The following KIF26B variants were observed in gnomAD, a reference collection of about 807,000 sequenced individuals.
The protein encoded by KIF26B is kinesin family member 26B.
In KIF26B, 63 loss-of-function variants were observed where a neutral mutation model predicts 151.2. The observed-to-expected ratio is 0.42, with a 90% CI of 0.34 to 0.51. The LOEUF (loss-of-function observed/expected upper bound fraction) is 0.51. Ranked by LOEUF, KIF26B falls within the 20% of genes least tolerant of loss-of-function variation. The pLI is 0.07. For synonymous variants in KIF26B, 1,357 were observed against 1,262.1 expected (o/e 1.08, Z -1.59); for missense variants, 2,813 against 2,913.6 (o/e 0.97, Z 0.79).
At chr1:245,683,778 G>A (rs529019532) in intron 10 of KIF26B, among the ~76,000 whole-genome samples, 5 of 152,214 alleles carry the variant, frequency 3.3e-5, no homozygotes, top group Non-Finnish European at 1.5e-5. Flanking sequence ...AAAACCCACC[G>A]ATCTTTAATC....
intron 2 of KIF26B, among the ~76,000 whole-genome samples, chr1:245,273,057 CCT>C (rs1228896468): frequency 6.6e-6 from 1 of 151,946 alleles, no homozygotes; most frequent in Admixed American, 6.6e-5. Context: ...TTCTTCAAGT[CCT>C]CTGTTTTTTT....
chr1:245,464,287 G>A (rs1439813245), intron 4 of KIF26B, among the ~76,000 whole-genome samples: 1 of 152,328 alleles, frequency 6.6e-6, no homozygotes, highest in African/African-American at 2.4e-5. Context: ...TGTCTCAGGA[G>A]AGGATGGCCC....
At chr1:245,340,851 C>G (rs990949044) in intron 2 of KIF26B, among the ~76,000 whole-genome samples, 1 of 151,990 alleles carries the variant, frequency 6.6e-6, no homozygotes, top group Non-Finnish European at 1.5e-5. Context: ...TCTGAGGGTG[C>G]GACGTTTCAG....
At chr1:245,535,978 A>G (rs1661480819) in intron 4 of KIF26B, among the ~76,000 whole-genome samples, 1 of 152,194 alleles carries the variant, frequency 6.6e-6, no homozygotes, top group Admixed American at 6.5e-5. Context: ...AGTGATGATG[A>G]TGATGATAGC....
chr1:245,327,282 A>G (rs1672010286), intron 2 of KIF26B, among the ~76,000 whole-genome samples: 1 of 152,188 alleles, frequency 6.6e-6, no homozygotes, highest in Non-Finnish European at 1.5e-5. Context: ...CTTATGCCCT[A>G]TATGAAATGA....
chr1:245,374,059 CAAAAAAAAAAAAAA>C lies in KIF26B; in HGVS notation c.999+6715_999+6728del, dbSNP rs1172397969. 1.4e-3 allele frequency among the ~76,000 whole-genome samples: 24 copies of C among 17,490 alleles called. 2 individuals carry two copies. Among genetic ancestry groups the C allele is most frequent in the African/African-American group, 3.5e-3 (18 of 5,172 alleles). The allele number at this position is 17,490 out of a possible 152,430, so 11.5% of individuals were successfully genotyped here. ...GTGACAGAGACCCGAGAACCTATCT[CAAAAAAAAAAAAAA>C]AAAAAAAAAAAAAAAAAAAAAATAT... On this transcript the variant is annotated intron_variant, in intron 3 of 14. Transcript: ENST00000407071.
chr1:245,232,494 A>G (rs1325773908), intron 2 of KIF26B, among the ~76,000 whole-genome samples: 1 of 150,790 alleles, frequency 6.6e-6, no homozygotes, highest in Non-Finnish European at 1.5e-5. Flanking sequence ...TAGATGCACT[A>G]TTTACCTCCT....
At chr1:245,416,986 A>G (rs1222292502) in intron 3 of KIF26B, among the ~76,000 whole-genome samples, 1 of 148,204 alleles carries the variant, frequency 6.7e-6, no homozygotes, top group Non-Finnish European at 1.5e-5. Context: ...AAGAATGCAC[A>G]AAAGAAACCA....
chr1:245,235,137 T>G (rs1214403144), intron 2 of KIF26B, among the ~76,000 whole-genome samples: 1 of 152,156 alleles, frequency 6.6e-6, no homozygotes, highest in African/African-American at 2.4e-5. Context: ...GCTGATGTGT[T>G]CAGGAAAATA....
At chr1:245,183,995 T>G (rs887857619) in intron 2 of KIF26B, among the ~76,000 whole-genome samples, 2 of 148,264 alleles carry the variant, frequency 1.3e-5, no homozygotes, top group Non-Finnish European at 3.0e-5. Flanking sequence ...TTCATTGGAT[T>G]TTTTCCTACA....
intron 2 of KIF26B, among the ~76,000 whole-genome samples, chr1:245,276,221 A>G (rs1670935516): frequency 6.6e-6 from 1 of 151,928 alleles, no homozygotes; most frequent in Non-Finnish European, 1.5e-5. Flanking sequence ...TGTAATCCCA[A>G]CTACTCAGGA....
intron 4 of KIF26B, among the ~76,000 whole-genome samples, chr1:245,520,611 C>CCCACCCATCCAT (rs1661079316): frequency 8.9e-5 from 7 of 78,682 alleles, no homozygotes; most frequent in African/African-American, 2.5e-4. Context: ...CACCCACCCA[C>CCCACCCATCCAT]CCATCCATCC....
Position 245,436,038 on chromosome 1 carries a change from G to A in KIF26B, c.1166+16293G>A, listed in dbSNP as rs570746936. Among the ~76,000 whole-genome samples, 68 of 152,094 alleles carry A rather than the reference G, an allele frequency of 4.5e-4. 1 individual carries two copies. The South Asian group carries it at 8.5e-3, about 19-fold the overall frequency. On this transcript the variant is annotated intron_variant, in intron 4 of 14. Coordinates refer to ENST00000407071, the MANE Select transcript of KIF26B (RefSeq NM_018012.4). The stretch of plus-strand genomic sequence containing the variant: ...CTAAAAATACAAAAATTAGCCAGGC[G>A]TGGTGGTGCGCACCTGGAATCCGAG...
At chr1:245,353,518 T>C (rs768636954) in intron 2 of KIF26B, among the ~76,000 whole-genome samples, 5 of 152,154 alleles carry the variant, frequency 3.3e-5, no homozygotes, top group Non-Finnish European at 7.3e-5. Context: ...GAAATCCTCA[T>C]TGCCCTGCAG....
chr1:245,185,706 A>G (rs1668987738), intron 2 of KIF26B, among the ~76,000 whole-genome samples: 1 of 151,972 alleles, frequency 6.6e-6, no homozygotes, highest in Non-Finnish European at 1.5e-5. Flanking sequence ...TAATATTTAT[A>G]TTTTCTTAAG....
rs139414690 is a variant in KIF26B, at chr1:245,615,974, A to G, written c.2098+3998A>G. On this transcript the variant is annotated intron_variant, in intron 9 of 14. Transcript: ENST00000407071. ...CCAGAACTCAATTAGGGGAAAGTTTATTAATTAGTCACCCTGCAGGGAAGC... is the reference window on the plus strand; with the variant it reads ...CCAGAACTCAATTAGGGGAAAGTTTGTTAATTAGTCACCCTGCAGGGAAGC... Among the ~76,000 whole-genome samples the G allele has an allele frequency of 5.8e-3, 891 of 152,350 alleles. 7 individuals carry two copies. Among genetic ancestry groups the G allele is most frequent in the African/African-American group, 0.02 (846 of 41,586 alleles).
intron 5 of KIF26B, among the ~76,000 whole-genome samples, chr1:245,591,946 T>A (rs915524599): frequency 6.6e-6 from 1 of 152,150 alleles, no homozygotes; most frequent in Non-Finnish European, 1.5e-5. Context: ...TCTTCCTTGG[T>A]TTCAACTCCC....
intron 2 of KIF26B, among the ~76,000 whole-genome samples, chr1:245,175,520 C>T (rs1240117202): frequency 1.3e-5 from 2 of 152,200 alleles, no homozygotes; most frequent in Non-Finnish European, 1.5e-5. Flanking sequence ...TTTGAGGTTT[C>T]GGGTGGCTAT....
chr1:245,517,908 T>C (rs562261349), intron 4 of KIF26B, among the ~76,000 whole-genome samples: 1 of 149,404 alleles, frequency 6.7e-6, no homozygotes, highest in South Asian at 2.1e-4. Flanking sequence ...AGTCTCACTC[T>C]ATCGCGCAGG....
Sources: gnomAD v4.1 joint callset for allele counts (sites outside exome capture counted in the v4.1 genomes callset) on GRCh38, gnomAD v4.1.1 for gene constraint, MANE v1.5 for transcripts, NCBI Gene and HGNC (gene_info 2026-07-23, HGNC 2026-07-21) for gene names.